The following CNTNAP2 variants were observed in gnomAD, a reference collection of about 807,000 sequenced individuals.
CNTNAP2 encodes contactin-associated protein-like 2.
In CNTNAP2, 98 loss-of-function variants were observed where a neutral mutation model predicts 155.2. The ratio of observed to expected loss-of-function variants is 0.63; its 90% CI spans 0.54 to 0.75. CNTNAP2 has a LOEUF of 0.75. Ranked by LOEUF, CNTNAP2 falls within the 30% of genes least tolerant of loss-of-function variation. The pLI, the probability that CNTNAP2 is intolerant of heterozygous loss-of-function variation, is 0.00. For synonymous variants in CNTNAP2, 651 were observed against 631.2 expected (o/e 1.03, Z -0.47); for missense variants, 1,727 against 1,688.1 (o/e 1.02, Z -0.40).
chr7:146,443,364 G>A (rs1464913097), intron 1 of CNTNAP2, among the ~76,000 whole-genome samples: 2 of 151,904 alleles, frequency 1.3e-5, no homozygotes, highest in Non-Finnish European at 2.9e-5. Context: ...TTGCATAATC[G>A]TATTTAGAAT....
chr7:146,889,197 T>A (rs1259810352), intron 3 of CNTNAP2, among the ~76,000 whole-genome samples: 1 of 152,186 alleles, frequency 6.6e-6, no homozygotes, highest in Non-Finnish European at 1.5e-5. Flanking sequence ...TTAAAAAAGT[T>A]TTAATTAGTT....
intron 13 of CNTNAP2, among the ~76,000 whole-genome samples, chr7:147,713,578 G>T (rs575959026): frequency 2.8e-4 from 42 of 152,190 alleles, no homozygotes; most frequent in Non-Finnish European, 4.4e-4. Context: ...TTCCAATGTG[G>T]GACCATAAAG....
At chr7:148,100,894 T>G (rs1321339957) in intron 15 of CNTNAP2, among the ~76,000 whole-genome samples, 1 of 152,022 alleles carries the variant, frequency 6.6e-6, no homozygotes, top group Non-Finnish European at 1.5e-5. Flanking sequence ...TGTCCAACAA[T>G]GATAGACTGG....
intron 4 of CNTNAP2, among the ~76,000 whole-genome samples, chr7:147,073,417 T>C (rs1029048481): frequency 6.6e-6 from 1 of 151,920 alleles, no homozygotes; most frequent in Non-Finnish European, 1.5e-5. Context: ...CTTTACGGCA[T>C]CTACAAGGTG....
At chr7:148,318,195 C>T (rs138649944) in intron 21 of CNTNAP2, among the ~76,000 whole-genome samples, 9 of 152,280 alleles carry the variant, frequency 5.9e-5, no homozygotes, top group African/African-American at 2.2e-4. Flanking sequence ...CTTGCAGGCC[C>T]ATCAGTTACT....
At chr7:146,150,322 A>G in intron 1 of CNTNAP2, among the ~76,000 whole-genome samples, 1 of 152,098 alleles carries the variant, frequency 6.6e-6, no homozygotes, top group East Asian at 1.9e-4. Flanking sequence ...AAATCATGTA[A>G]CTTTGAGAAT....
chr7:147,897,526 G>A (rs2538972), intron 13 of CNTNAP2, among the ~76,000 whole-genome samples: 95,562 of 152,022 alleles, frequency 0.63, 30,458 homozygotes, highest in Middle Eastern at 0.74. Flanking sequence ...TCAGCTTTTT[G>A]AATGCAATGC....
At chr7:147,177,940 C>A (rs1802381950) in intron 8 of CNTNAP2, among the ~76,000 whole-genome samples, 1 of 152,108 alleles carries the variant, frequency 6.6e-6, no homozygotes, top group African/African-American at 2.4e-5. Context: ...TACGTCTAGG[C>A]TGTATGATCC....
At chr7:147,294,126 G>A (rs990031401) in intron 8 of CNTNAP2, among the ~76,000 whole-genome samples, 1 of 152,000 alleles carries the variant, frequency 6.6e-6, no homozygotes, top group Non-Finnish European at 1.5e-5. Flanking sequence ...CCTCTTATGG[G>A]GCAAGCTCCA....
At chr7:146,451,654 A>G (rs1796481920) in intron 1 of CNTNAP2, among the ~76,000 whole-genome samples, 1 of 151,948 alleles carries the variant, frequency 6.6e-6, no homozygotes, top group African/African-American at 2.4e-5. Flanking sequence ...TCTTGTTTTT[A>G]TGTCTAGAAT....
At chr7:147,924,161 CAG>C (rs1191475318) in intron 14 of CNTNAP2, among the ~76,000 whole-genome samples, 8 of 19,772 alleles carry the variant, frequency 4.0e-4, no homozygotes, top group African/African-American at 3.4e-3. Context: ...TTTTTTGAGA[CAG>C]AGTTTCACTC....
intron 13 of CNTNAP2, chr7:147,894,250 T>A (rs1799739881): frequency 6.6e-6 from 1 of 152,212 alleles, no homozygotes; most frequent in Non-Finnish European, 1.5e-5. Flanking sequence ...TAACTTAATA[T>A]GGATTTTGTA....
chr7:147,402,836 C>G (rs932586522), intron 10 of CNTNAP2, among the ~76,000 whole-genome samples: 12 of 151,872 alleles, frequency 7.9e-5, no homozygotes, highest in African/African-American at 2.7e-4. Context: ...ACATTAGACC[C>G]TCAAAGGCCA....
At chr7:147,907,872 C>A (rs543413246) in intron 14 of CNTNAP2, among the ~76,000 whole-genome samples, 1 of 152,128 alleles carries the variant, frequency 6.6e-6, no homozygotes, top group East Asian at 1.9e-4. Flanking sequence ...ACCTCTGCCC[C>A]CAGTCTCATG....
chr7:147,253,640 G>C (rs1382354300), intron 8 of CNTNAP2, among the ~76,000 whole-genome samples: 1 of 152,080 alleles, frequency 6.6e-6, no homozygotes, highest in African/African-American at 2.4e-5. Context: ...GAGCAAAACT[G>C]TTTCTTCCAG....
chr7:146,271,892 A>G (rs1800088078), intron 1 of CNTNAP2, among the ~76,000 whole-genome samples: 1 of 152,234 alleles, frequency 6.6e-6, no homozygotes. Flanking sequence ...ATGCTGGCTT[A>G]TATTAAAGTT....
At chr7:147,538,650 T>TA (rs914180435) in intron 11 of CNTNAP2, among the ~76,000 whole-genome samples, 32 of 151,264 alleles carry the variant, frequency 2.1e-4, no homozygotes, top group Admixed American at 5.9e-4. Flanking sequence ...ATTATATATA[T>TA]AAAAAAAAAT....
intron 1 of CNTNAP2, among the ~76,000 whole-genome samples, chr7:146,721,075 C>CTA (rs1159903594): frequency 2.3e-5 from 3 of 132,918 alleles, no homozygotes; most frequent in Non-Finnish European, 3.1e-5. Context: ...TATATATACT[C>CTA]TATATATATA....
intron 8 of CNTNAP2, among the ~76,000 whole-genome samples, chr7:147,268,481 G>C (rs921852445): frequency 6.6e-6 from 1 of 152,210 alleles, no homozygotes; most frequent in African/African-American, 2.4e-5. Flanking sequence ...TGGACACAGG[G>C]AGGGGAACAT....
Sources: gnomAD v4.1 joint callset for allele counts (sites outside exome capture counted in the v4.1 genomes callset) on GRCh38, gnomAD v4.1.1 for gene constraint, MANE v1.5 for transcripts, NCBI Gene and HGNC (gene_info 2026-07-23, HGNC 2026-07-21) for gene names.